Variants in CCNY observed in about 807,000 individuals in gnomAD.
CCNY encodes the protein cyclin Y, also known as cyclin-Y.
Under a neutral mutation model 42.8 loss-of-function variants are expected in CCNY, and 19 were observed. That is an observed-to-expected ratio of 0.44 (90% CI 0.31 to 0.65). CCNY has a LOEUF of 0.65. CCNY is among the 30% of genes least tolerant of loss of function. The pLI is 0.07. For synonymous variants in CCNY, 165 were observed against 162.7 expected (o/e 1.01, Z -0.11); for missense variants, 370 against 437.3 (o/e 0.85, Z 1.37).
At chr10:35,502,269 G>GA (rs1840126107) in intron 3 of CCNY, among the ~76,000 whole-genome samples, 1 of 152,176 alleles carries the variant, frequency 6.6e-6, no homozygotes, top group Admixed American at 6.5e-5. Context: ...AACTCTCCGA[G>GA]AGGGATGGAA....
chr10:35,258,432 A>G (rs2095717080), intron 3 of CCNY, among the ~76,000 whole-genome samples: 1 of 152,184 alleles, frequency 6.6e-6, no homozygotes, highest in Admixed American at 6.5e-5. Flanking sequence ...GAAAGAAAGA[A>G]AAAATGAAGG....
intron 1 of CCNY, among the ~76,000 whole-genome samples, chr10:35,430,288 G>T (rs1838359528): frequency 8.3e-6 from 1 of 121,086 alleles, no homozygotes; most frequent in South Asian, 2.9e-4. Flanking sequence ...AGTGAGCCGA[G>T]ATCCCGCCAC....
chr10:35,562,357 A>G (rs937406240), intron 8 of CCNY, among the ~76,000 whole-genome samples: 3 of 152,176 alleles, frequency 2.0e-5, no homozygotes, highest in Admixed American at 2.0e-4. Flanking sequence ...TTAAGTATAC[A>G]TTTCTGTAGC....
intron 3 of CCNY, among the ~76,000 whole-genome samples, chr10:35,504,702 T>C (rs1840179102): frequency 1.3e-5 from 2 of 152,182 alleles, no homozygotes; most frequent in Admixed American, 6.5e-5. Flanking sequence ...ATTGGTACGA[T>C]CTTGGCTCAC....
chr10:35,447,828 G>A (rs1413342256), intron 1 of CCNY, among the ~76,000 whole-genome samples: 5 of 152,170 alleles, frequency 3.3e-5, no homozygotes, highest in Non-Finnish European at 7.3e-5. Context: ...TTTGAAACAC[G>A]TGGCTGTAAA....
intron 1 of CCNY, among the ~76,000 whole-genome samples, chr10:35,432,345 C>T (rs1203076203): frequency 6.6e-6 from 1 of 152,116 alleles, no homozygotes; most frequent in East Asian, 1.9e-4. Flanking sequence ...ACCAAAGAAC[C>T]TAAGAGTGCT....
intron 1 of CCNY, among the ~76,000 whole-genome samples, chr10:35,355,382 A>G (rs991771629): frequency 1.3e-5 from 2 of 152,102 alleles, no homozygotes; most frequent in African/African-American, 2.4e-5. Context: ...AAACACTTTT[A>G]AAAACAGGAA....
chr10:35,529,036 C>A (rs971838896), intron 5 of CCNY, among the ~76,000 whole-genome samples: 3 of 152,158 alleles, frequency 2.0e-5, no homozygotes. Context: ...AGCTGTCACT[C>A]GTGAGGTACG....
intron 1 of CCNY, among the ~76,000 whole-genome samples, chr10:35,450,813 G>T (rs1838900254): frequency 6.7e-6 from 1 of 150,220 alleles, no homozygotes; most frequent in Admixed American, 6.7e-5. Context: ...CTTTCTCTCT[G>T]TCCTCTGTTT....
intron 1 of CCNY, among the ~76,000 whole-genome samples, chr10:35,376,108 G>A (rs546026956): frequency 6.6e-6 from 1 of 152,278 alleles, no homozygotes; most frequent in South Asian, 2.1e-4. Context: ...CATACGGAAG[G>A]AGACTTTTAT....
intron 3 of CCNY, among the ~76,000 whole-genome samples, chr10:35,287,956 A>G (rs1835373165): frequency 6.6e-6 from 1 of 152,098 alleles, no homozygotes; most frequent in Non-Finnish European, 1.5e-5. Context: ...GTGTATTTTC[A>G]CTTTTCTTGG....
At chr10:35,400,512 G>A (rs1374216482) in intron 1 of CCNY, among the ~76,000 whole-genome samples, 1 of 152,162 alleles carries the variant, frequency 6.6e-6, no homozygotes, top group Non-Finnish European at 1.5e-5. Context: ...TTAAGAATAT[G>A]CTTTGTTGAG....
chr10:35,475,023 G>A (rs1246945332), intron 1 of CCNY, among the ~76,000 whole-genome samples: 11 of 151,368 alleles, frequency 7.3e-5, no homozygotes, highest in Admixed American at 2.0e-4. Context: ...GAGCTGATGC[G>A]ATCAACTGGA....
At chr10:35,502,946 C>T (rs1840140064) in intron 3 of CCNY, among the ~76,000 whole-genome samples, 1 of 152,184 alleles carries the variant, frequency 6.6e-6, no homozygotes, top group South Asian at 2.1e-4. Flanking sequence ...GCCATCTTTC[C>T]TGTTCACTGC....
intron 3 of CCNY, among the ~76,000 whole-genome samples, chr10:35,281,191 T>C (rs1405480910): frequency 6.6e-6 from 1 of 152,184 alleles, no homozygotes; most frequent in Non-Finnish European, 1.5e-5. Flanking sequence ...AAAGTTTCCA[T>C]AGTTACCATT....
intron 3 of CCNY, among the ~76,000 whole-genome samples, chr10:35,513,942 G>A (rs539602097): frequency 1.1e-4 from 17 of 152,140 alleles, no homozygotes; most frequent in Admixed American, 1.0e-3. Context: ...GAAAACTATC[G>A]AATTAGAATG....
chr10:35,417,994 C>A lies in CCNY; in HGVS notation c.155-65410C>A, dbSNP rs145448596. 2.0e-3 allele frequency among the ~76,000 whole-genome samples: 307 copies of A among 152,238 alleles called. 2 individuals carry two copies. Among genetic ancestry groups the A allele is most frequent in the African/African-American group, 7.0e-3 (290 of 41,546 alleles). On this transcript the variant is annotated intron_variant, in intron 1 of 9. Coordinates refer to ENST00000374704, the MANE Select transcript of CCNY (RefSeq NM_145012.6). ...CAGTAAGTCTAAAAAAGCTCTAAGC[C>A]CAGGCCTTTTGGAATATGTCTCCTT...
intron 3 of CCNY, among the ~76,000 whole-genome samples, chr10:35,285,055 G>T (rs1358667518): frequency 1.3e-5 from 2 of 151,952 alleles, no homozygotes; most frequent in Non-Finnish European, 2.9e-5. Context: ...TTGCTCTGTT[G>T]CCCAGGCTGG....
chr10:35,290,222 T>TCACACACA (rs368209050), intron 3 of CCNY, among the ~76,000 whole-genome samples: 15,648 of 122,804 alleles, frequency 0.13, 1,206 homozygotes, highest in East Asian at 0.21. Flanking sequence ...CAAGACTCCA[T>TCACACACA]CACACACACA....
Sources: gnomAD v4.1 joint callset for allele counts (sites outside exome capture counted in the v4.1 genomes callset) on GRCh38, gnomAD v4.1.1 for gene constraint, MANE v1.5 for transcripts, NCBI Gene and HGNC (gene_info 2026-07-23, HGNC 2026-07-21) for gene names.